The following SCAF8 variants were observed in gnomAD, a reference collection of about 807,000 sequenced individuals.
SCAF8 encodes SR-related and CTD-associated factor 8.
Under a neutral mutation model 140.5 loss-of-function variants are expected in SCAF8, and 23 were observed. The ratio of observed to expected loss-of-function variants is 0.16; its 90% confidence interval spans 0.12 to 0.23. The LOEUF (loss-of-function observed/expected upper bound fraction) is 0.23. Among genes scored for constraint, SCAF8 ranks in the 10% least tolerant of loss-of-function variants. SCAF8 has a pLI of 1.00. For missense variants in SCAF8, 1,397 were observed against 1,555.7 expected (o/e 0.90, Z 1.72); for synonymous variants, 575 against 528.9 (o/e 1.09, Z -1.20).
chr6:154,828,099 C>G (rs138762555), intron 18 of SCAF8, among the ~76,000 whole-genome samples: 13 of 152,260 alleles, frequency 8.5e-5, no homozygotes, highest in African/African-American at 3.1e-4. Flanking sequence ...TAAGATTGAT[C>G]AGAACATTTA....
intron 3 of SCAF8, among the ~76,000 whole-genome samples, chr6:154,785,072 A>G (rs374466967): frequency 3.0e-4 from 46 of 152,304 alleles, no homozygotes; most frequent in Middle Eastern, 3.4e-3. Context: ...AAGTGGTTTA[A>G]TGTATTTTAA....
intron 6 of SCAF8, among the ~76,000 whole-genome samples, chr6:154,799,451 G>C (rs949153971): frequency 6.6e-6 from 1 of 151,244 alleles, no homozygotes; most frequent in Admixed American, 6.6e-5. Flanking sequence ...ATTGGTCCTT[G>C]TATGTTCTCA....
chr6:154,827,154 G>A lies in SCAF8; in HGVS notation c.2072-18G>A. 1.3e-6 allele frequency: 2 copies of A among 1,542,248 alleles called. No individual in the cohort carries two copies. Among genetic ancestry groups the A allele is most frequent in the Non-Finnish European group, 8.8e-7 (1 of 1,136,226 alleles). ...AATTTTTCTTGTGCTATTTTTTGGG[G>A]TTTTTTTTTCTGTCTAGGTTTCATG... On this transcript the variant is annotated intron_variant, in intron 17 of 19. Transcript: ENST00000367178.
intron 3 of SCAF8, among the ~76,000 whole-genome samples, chr6:154,778,474 GT>G (rs1776979087): frequency 2.0e-5 from 3 of 152,058 alleles, no homozygotes; most frequent in Non-Finnish European, 2.9e-5. Context: ...TTAAAATATA[GT>G]ATTGATAGGC....
chr6:154,806,266 T>C (rs1374418441), intron 9 of SCAF8, among the ~76,000 whole-genome samples: 2 of 152,198 alleles, frequency 1.3e-5, no homozygotes, highest in Non-Finnish European at 2.9e-5. Context: ...GTTGTAGAGC[T>C]AGGATTAAAT....
chr6:154,787,731 A>C lies in SCAF8; in HGVS notation c.160-130A>C, dbSNP rs185659252. On this transcript the variant is annotated intron_variant, in intron 3 of 19. Transcript: ENST00000367178. ...AGAAACTGATGATATTGGAGTAGTC[A>C]ATGTATGAATATTCATTACCATAGC... 3.1e-3 allele frequency: 2,114 copies of C among 671,348 alleles called. 5 individuals are homozygous for C. Among genetic ancestry groups the C allele is most frequent in the Non-Finnish European group, 4.6e-3 (1,866 of 405,916 alleles). The allele number at this position is 671,348 out of a possible 1,614,324, so 41.6% of individuals were successfully genotyped here.
chr6:154,805,781 A>G (rs1777896027), intron 9 of SCAF8, among the ~76,000 whole-genome samples: 1 of 152,158 alleles, frequency 6.6e-6, no homozygotes, highest in Admixed American at 6.5e-5. Context: ...TACTGGAAGT[A>G]GAGAACAGGA....
intron 1 of SCAF8, among the ~76,000 whole-genome samples, chr6:154,761,298 C>A (rs1244821390): frequency 1.3e-5 from 2 of 152,078 alleles, no homozygotes; most frequent in Non-Finnish European, 1.5e-5. Flanking sequence ...ACCGCCTGGG[C>A]AACATGGTGA....
intron 9 of SCAF8, among the ~76,000 whole-genome samples, chr6:154,806,473 C>G (rs1777918014): frequency 6.6e-6 from 1 of 152,074 alleles, no homozygotes; most frequent in Admixed American, 6.5e-5. Flanking sequence ...GTGTTACATA[C>G]AGAGATGAAC....
At chr6:154,812,957 G>A (rs1200111249) in intron 12 of SCAF8, among the ~76,000 whole-genome samples, 2 of 151,930 alleles carry the variant, frequency 1.3e-5, no homozygotes, top group Non-Finnish European at 2.9e-5. Context: ...AAGCTACTTT[G>A]GGAGGCACAG....
chr6:154,806,503 C>G (rs1777918759), intron 9 of SCAF8, among the ~76,000 whole-genome samples: 1 of 152,132 alleles, frequency 6.6e-6, no homozygotes, highest in South Asian at 2.1e-4. Context: ...GTTGTGGCAT[C>G]AGGTAACCTC....
At chr6:154,774,233 C>T (rs9397203) in intron 2 of SCAF8, among the ~76,000 whole-genome samples, 161 bp downstream of exon 2, 106 of 152,226 alleles carry the variant, frequency 7.0e-4, no homozygotes, top group Non-Finnish European at 1.2e-3. Context: ...CCTGTAGACT[C>T]TCCCACCTAG....
chr6:154,805,225 C>G, intron 8 of SCAF8, 144 bp from the exon 9 acceptor site: 1 of 553,128 alleles, frequency 1.8e-6, no homozygotes, highest in East Asian at 2.8e-5. Flanking sequence ...AAGTATTCTA[C>G]TTTAAGTATT....
At chr6:154,831,549 G>A (rs1050992360) in intron 19 of SCAF8, among the ~76,000 whole-genome samples, 1 of 151,886 alleles carries the variant, frequency 6.6e-6, no homozygotes, top group African/African-American at 2.4e-5. Context: ...GTGTTTGAAA[G>A]CAGTAAGTCC....
intron 1 of SCAF8, among the ~76,000 whole-genome samples, chr6:154,741,150 A>G (rs1294338584): frequency 6.6e-6 from 1 of 152,192 alleles, no homozygotes; most frequent in Non-Finnish European, 1.5e-5. Context: ...GAAATGACAT[A>G]TAGAAGTTTT....
chr6:154,772,866 T>G (rs1162159876), intron 1 of SCAF8, among the ~76,000 whole-genome samples: 2 of 151,964 alleles, frequency 1.3e-5, no homozygotes, highest in Admixed American at 1.3e-4. Flanking sequence ...TTCAAGCAGT[T>G]CTCCTGCCTC....
At position 154,814,399 on chromosome 6, in the gene SCAF8, AG is replaced by A. The variant is rs372621295; in HGVS notation, c.1421-1316del. 4.4e-4 allele frequency among the ~76,000 whole-genome samples: 67 copies of A among 152,372 alleles called. 3 individuals carry two copies. In the South Asian group the frequency reaches 0.014, roughly 32 times the overall value. On this transcript the variant is annotated intron_variant, in intron 12 of 19. Transcript: ENST00000367178. The stretch of plus-strand genomic sequence containing the variant: ...GATTAAATTGAATATGCATAGGGTA[AG>A]ACTTACAGGAGATAAACAGCTTGCA...
intron 15 of SCAF8, among the ~76,000 whole-genome samples, chr6:154,820,648 T>C (rs935587733): frequency 1.3e-5 from 2 of 152,196 alleles, no homozygotes; most frequent in African/African-American, 4.8e-5. Context: ...TGCTTCAGTT[T>C]AAGTGGGAAC....
intron 1 of SCAF8, among the ~76,000 whole-genome samples, chr6:154,755,048 T>C (rs895855904): frequency 2.0e-5 from 3 of 152,182 alleles, no homozygotes; most frequent in Non-Finnish European, 2.9e-5. Context: ...ATCCATACTT[T>C]TGTCAGTCAT....
Sources: gnomAD v4.1 joint callset for allele counts (sites outside exome capture counted in the v4.1 genomes callset) on GRCh38, gnomAD v4.1.1 for gene constraint, MANE v1.5 for transcripts, NCBI Gene and HGNC (gene_info 2026-07-23, HGNC 2026-07-21) for gene names.